Variants in NEGR1 observed in about 807,000 individuals in gnomAD.
NEGR1 encodes the protein IgLON family member 4.
A neutral mutation model predicts 40.9 loss-of-function variants in NEGR1; 10 were observed. The ratio of observed to expected loss-of-function variants is 0.24; its 90% CI spans 0.15 to 0.42. The LOEUF is 0.42. Among genes scored for constraint, NEGR1 ranks in the 10% least tolerant of loss-of-function variants. NEGR1 has a pLI of 1.00. For missense variants in NEGR1, 352 were observed against 438.9 expected, an observed-to-expected ratio of 0.80 and a Z score of 1.77; for synonymous variants, 185 against 166.8, an observed-to-expected ratio of 1.11 and a Z score of -0.84.
At chr1:71,459,548 A>G (rs1646699381) in intron 6 of NEGR1, among the ~76,000 whole-genome samples, 1 of 152,166 alleles carries the variant, frequency 6.6e-6, no homozygotes, top group Non-Finnish European at 1.5e-5. Context: ...TTATCCATGC[A>G]AACTTTCCTT....
chr1:72,252,657 C>T (rs373794888), intron 1 of NEGR1, among the ~76,000 whole-genome samples: 2 of 151,866 alleles, frequency 1.3e-5, no homozygotes, highest in Non-Finnish European at 2.9e-5. Context: ...TGTATGCGCA[C>T]GTTTACATGA....
At chr1:71,857,026 A>T (rs1659790396) in intron 2 of NEGR1, among the ~76,000 whole-genome samples, 1 of 152,038 alleles carries the variant, frequency 6.6e-6, no homozygotes, top group Admixed American at 6.6e-5. Flanking sequence ...TCCCAGACTT[A>T]GTTTCCTTGT....
intron 3 of NEGR1, among the ~76,000 whole-genome samples, chr1:71,764,596 C>T (rs146235700): frequency 1.2e-4 from 18 of 152,222 alleles, no homozygotes; most frequent in African/African-American, 3.1e-4. Context: ...GAACTGCTAA[C>T]GAATGTACAA....
At chr1:71,520,764 G>T (rs1647150964) in intron 6 of NEGR1, among the ~76,000 whole-genome samples, 2 of 151,978 alleles carry the variant, frequency 1.3e-5, no homozygotes, top group African/African-American at 4.8e-5. Context: ...CTCCTATTTA[G>T]TGTCATAGGC....
intron 4 of NEGR1, among the ~76,000 whole-genome samples, chr1:71,652,304 T>C (rs1482087883): frequency 6.6e-6 from 1 of 152,222 alleles, no homozygotes; most frequent in African/African-American, 2.4e-5. Flanking sequence ...ACTCAGTCTT[T>C]GGTAAAAAGT....
At chr1:71,871,103 T>TG (rs1424858039) in intron 2 of NEGR1, among the ~76,000 whole-genome samples, 1 of 152,232 alleles carries the variant, frequency 6.6e-6, no homozygotes, top group Non-Finnish European at 1.5e-5. Context: ...TCTTTGAGAT[T>TG]GTTCTCCATC....
At chr1:71,776,993 A>G (rs1656536900) in intron 2 of NEGR1, among the ~76,000 whole-genome samples, 1 of 152,126 alleles carries the variant, frequency 6.6e-6, no homozygotes, top group Non-Finnish European at 1.5e-5. Flanking sequence ...AATCCATAAG[A>G]GTCAAGGGGG....
At chr1:71,741,309 A>G (rs1411217245) in intron 3 of NEGR1, among the ~76,000 whole-genome samples, 2 of 152,162 alleles carry the variant, frequency 1.3e-5, no homozygotes, top group Non-Finnish European at 2.9e-5. Context: ...AGCCATGAAC[A>G]TTGCAAAAAT....
intron 1 of NEGR1, among the ~76,000 whole-genome samples, chr1:72,221,556 G>T (rs1654011676): frequency 6.6e-6 from 1 of 151,838 alleles, no homozygotes; most frequent in Non-Finnish European, 1.5e-5. Context: ...TTTTTCTGTG[G>T]AACTTTAATA....
chr1:71,543,334 A>G (rs1647777068), intron 6 of NEGR1, among the ~76,000 whole-genome samples: 1 of 151,720 alleles, frequency 6.6e-6, no homozygotes, highest in South Asian at 2.1e-4. Context: ...CATAGTTGAT[A>G]TCAGATCTCA....
intron 1 of NEGR1, among the ~76,000 whole-genome samples, chr1:72,131,283 T>C (rs1019671330): frequency 6.6e-6 from 1 of 152,174 alleles, no homozygotes; most frequent in Non-Finnish European, 1.5e-5. Context: ...GTGTCAGGTA[T>C]TTTGATATTT....
chr1:72,133,058 A>C (rs537182257), intron 1 of NEGR1, among the ~76,000 whole-genome samples: 17 of 152,266 alleles, frequency 1.1e-4, no homozygotes, highest in Middle Eastern at 3.4e-3. Flanking sequence ...CCACTCCTTT[A>C]AAATGTGACA....
chr1:72,011,439 T>C (rs1183915849), intron 1 of NEGR1, among the ~76,000 whole-genome samples: 1 of 152,032 alleles, frequency 6.6e-6, no homozygotes, highest in Non-Finnish European at 1.5e-5. Context: ...CACTCTTAGA[T>C]ATTACAAGGG....
chr1:71,483,298 G>C (rs1041100392), intron 6 of NEGR1, among the ~76,000 whole-genome samples: 1 of 151,716 alleles, frequency 6.6e-6, no homozygotes, highest in Non-Finnish European at 1.5e-5. Context: ...TTTGTAGACT[G>C]TTTTACTCTA....
intron 3 of NEGR1, among the ~76,000 whole-genome samples, chr1:71,732,954 C>T (rs1442190634): frequency 6.6e-6 from 1 of 152,106 alleles, no homozygotes; most frequent in Non-Finnish European, 1.5e-5. Flanking sequence ...AAAAAACAAA[C>T]CCCACATAAT....
chr1:71,981,630 G>T (rs1014470343), intron 1 of NEGR1, among the ~76,000 whole-genome samples: 1 of 152,148 alleles, frequency 6.6e-6, no homozygotes, highest in Non-Finnish European at 1.5e-5. Flanking sequence ...AGACCTATCA[G>T]GTGATAGGCT....
chr1:71,704,791 C>T (rs1305328192), intron 3 of NEGR1, among the ~76,000 whole-genome samples: 1 of 151,630 alleles, frequency 6.6e-6, no homozygotes, highest in Non-Finnish European at 1.5e-5. Context: ...TATTATTACC[C>T]TAATATCAGG....
intron 3 of NEGR1, among the ~76,000 whole-genome samples, chr1:71,710,556 G>A (rs1466506715): frequency 2.0e-5 from 3 of 152,142 alleles, no homozygotes; most frequent in Admixed American, 1.3e-4. Context: ...AACAAAATGA[G>A]ATCCTTTCAT....
chr1:71,984,678 A>G (rs1357787023), intron 1 of NEGR1, among the ~76,000 whole-genome samples: 1 of 152,170 alleles, frequency 6.6e-6, no homozygotes, highest in Non-Finnish European at 1.5e-5. Flanking sequence ...AATTTTTAAA[A>G]TTTGTGTAAA....
Sources: gnomAD v4.1 joint callset for allele counts (sites outside exome capture counted in the v4.1 genomes callset) on GRCh38, gnomAD v4.1.1 for gene constraint, MANE v1.5 for transcripts, NCBI Gene and HGNC (gene_info 2026-07-23, HGNC 2026-07-21) for gene names.